MRTFA: variants seen among roughly 807,000 people sequenced by gnomAD.
The protein encoded by MRTFA is myocardin related transcription factor A, also known as myocardin-related transcription factor A.
MRTFA carries 20 observed loss-of-function variants against 83.5 expected under a neutral mutation model. The observed-to-expected ratio is 0.24, with a 90% confidence interval of 0.17 to 0.35. MRTFA has a LOEUF of 0.35. Among genes scored for constraint, MRTFA ranks in the 10% least tolerant of loss-of-function variants. The pLI is 1.00. For synonymous variants in MRTFA, 659 were observed against 541.2 expected (o/e 1.22, Z -3.02); for missense variants, 1,200 against 1,224.7 (o/e 0.98, Z 0.30).
At chr22:40,452,443 C>CA (rs2053511340) in intron 4 of MRTFA, among the ~76,000 whole-genome samples, 1 of 152,152 alleles carries the variant, frequency 6.6e-6, no homozygotes, top group Admixed American at 6.6e-5. Flanking sequence ...TTGGATATCT[C>CA]AGATTCTTCA....
At chr22:40,615,866 G>A (rs1331318222) in intron 1 of MRTFA, among the ~76,000 whole-genome samples, 1 of 151,940 alleles carries the variant, frequency 6.6e-6, no homozygotes, top group South Asian at 2.1e-4. Context: ...TGTATTTTTA[G>A]TAGAGATGGG....
chr22:40,618,104 T>C (rs1381386418), intron 1 of MRTFA, among the ~76,000 whole-genome samples: 1 of 151,428 alleles, frequency 6.6e-6, no homozygotes, highest in Non-Finnish European at 1.5e-5. Context: ...AGACGGAGTC[T>C]CGCTCTGTTG....
In MRTFA at chr22:40,411,290, A is replaced by AGACTC. The variant is rs1323697349; in HGVS notation, c.*95_*99dup. On this transcript the variant is annotated 3_prime_UTR_variant, in exon 15 of 15. Transcript: ENST00000355630. ...GAAAAAGCAGGGGCTGTGATTGTCAAGACTCACAACCATGTGGAGAGGCCG... is the reference window on the plus strand; with the variant it reads ...GAAAAAGCAGGGGCTGTGATTGTCAAGACTCGACTCACAACCATGTGGAGAGGCCG... 2.3e-6 allele frequency: 3 copies of AGACTC among 1,289,548 alleles called. No individual in the cohort carries two copies. The Admixed American group carries it at 7.2e-5, about 31-fold the overall frequency. The allele number at this position is 1,289,548 out of a possible 1,614,324, so 79.9% of individuals were successfully genotyped here.
intron 14 of MRTFA, among the ~76,000 whole-genome samples, chr22:40,413,849 G>A (rs991728825): frequency 5.3e-5 from 8 of 152,198 alleles, no homozygotes; most frequent in Non-Finnish European, 7.3e-5. Context: ...GATGTTCCAC[G>A]TCACTAAATG....
chr22:40,417,245 C>A lies in MRTFA; in HGVS notation c.2517+96G>T, dbSNP rs1354663288. 3.3e-6 allele frequency: 5 copies of A among 1,513,972 alleles called. No individual in the cohort carries two copies. The Admixed American group carries it at 1.0e-4, about 30-fold the overall frequency. 93.8% of individuals were successfully genotyped at this position (1,513,972 alleles called of 1,614,324 possible). A position where few individuals can be genotyped will look rare whatever the true frequency, so the allele number is the denominator to read the frequency against. On this transcript the variant is annotated intron_variant, in intron 13 of 14. Transcript: ENST00000355630. ...TCTCTGACCCTGAAGCTGGGCTTCG[C>A]CTGCCCCCTATTCCTCCGGGTGGGG...
At chr22:40,488,513 T>A (rs1222212811) in intron 3 of MRTFA, among the ~76,000 whole-genome samples, 1 of 151,572 alleles carries the variant, frequency 6.6e-6, no homozygotes, top group African/African-American at 2.4e-5. Context: ...TGAGACTCCA[T>A]CTCTCTCTTT....
At chr22:40,528,343 C>T (rs1435043438) in intron 3 of MRTFA, among the ~76,000 whole-genome samples, 2 of 152,108 alleles carry the variant, frequency 1.3e-5, no homozygotes, top group Non-Finnish European at 2.9e-5. Flanking sequence ...TTATTAGAGG[C>T]CTCTGATGGT....
intron 1 of MRTFA, among the ~76,000 whole-genome samples, chr22:40,599,764 T>C (rs574722911): frequency 6.6e-6 from 1 of 151,876 alleles, no homozygotes; most frequent in African/African-American, 2.4e-5. Flanking sequence ...TCAGGCATGG[T>C]GGTGTTTGCC....
intron 3 of MRTFA, among the ~76,000 whole-genome samples, chr22:40,470,759 A>G (rs5995864): frequency 0.13 from 19,001 of 150,076 alleles, 1,385 homozygotes; most frequent in East Asian, 0.25. Flanking sequence ...GACCAGCCTC[A>G]CCAATATGGT....
At chr22:40,496,390 A>T (rs2147211996) in intron 3 of MRTFA, among the ~76,000 whole-genome samples, 1 of 145,574 alleles carries the variant, frequency 6.9e-6, no homozygotes, top group Non-Finnish European at 1.5e-5. Context: ...AAGCACAGTC[A>T]CCAATCTGGG....
intron 3 of MRTFA, among the ~76,000 whole-genome samples, chr22:40,486,431 C>G (rs1279657206): frequency 6.6e-6 from 1 of 152,164 alleles, no homozygotes; most frequent in Non-Finnish European, 1.5e-5. Context: ...AGGCTGGTGA[C>G]TGGTCTCAAC....
intron 1 of MRTFA, among the ~76,000 whole-genome samples, chr22:40,603,380 A>G (rs1327852324): frequency 6.6e-6 from 1 of 152,236 alleles, no homozygotes; most frequent in Non-Finnish European, 1.5e-5. Flanking sequence ...CCAAATGGAA[A>G]AACTTATCTC....
At chr22:40,551,620 C>T (rs981478973) in intron 3 of MRTFA, among the ~76,000 whole-genome samples, 2 of 152,134 alleles carry the variant, frequency 1.3e-5, no homozygotes, top group Non-Finnish European at 2.9e-5. Context: ...CTGTGCACCT[C>T]GGCCTACCAA....
intron 2 of MRTFA, among the ~76,000 whole-genome samples, chr22:40,578,541 AG>A: frequency 6.6e-6 from 1 of 152,102 alleles, no homozygotes; most frequent in East Asian, 1.9e-4. Context: ...CCAAGGCAGA[AG>A]GATCACTTGA....
intron 3 of MRTFA, among the ~76,000 whole-genome samples, chr22:40,518,574 A>G (rs1230415268): frequency 6.6e-6 from 1 of 152,044 alleles, no homozygotes; most frequent in Non-Finnish European, 1.5e-5. Context: ...TGGGCGGATC[A>G]CAAAGTCAGA....
intron 7 of MRTFA, among the ~76,000 whole-genome samples, chr22:40,425,756 G>A (rs2052941119): frequency 6.6e-6 from 1 of 152,244 alleles, no homozygotes; most frequent in African/African-American, 2.4e-5. Context: ...GCAGCCCCAT[G>A]GCAGCCAGTA....
chr22:40,598,712 G>T (rs977039444), intron 1 of MRTFA, among the ~76,000 whole-genome samples: 2 of 151,992 alleles, frequency 1.3e-5, no homozygotes, highest in African/African-American at 4.8e-5. Flanking sequence ...GGTATTAGAG[G>T]CCAGGTACAG....
At position 40,552,086 on chromosome 22, in the gene MRTFA, A is replaced by G; in HGVS notation, c.241+20T>C. ...ATCCTGGTTCAAATCAGGGAATGCA[A>G]TAATTCTGTATCTACTCACCATTCT... On this transcript the variant is annotated intron_variant, in intron 3 of 14. Transcript: ENST00000355630. 2.5e-6 allele frequency: 1 copy of G among 398,344 alleles called. No homozygotes were observed. Among genetic ancestry groups the G allele is most frequent in the Non-Finnish European group, 4.4e-6 (1 of 225,874 alleles). The allele number at this position is 398,344 out of a possible 1,614,324, so 24.7% of individuals were successfully genotyped here. A position where few individuals can be genotyped will look rare whatever the true frequency, so the allele number is the denominator to read the frequency against.
intron 1 of MRTFA, among the ~76,000 whole-genome samples, chr22:40,599,455 G>A (rs1158673136): frequency 5.3e-5 from 8 of 152,102 alleles, no homozygotes; most frequent in African/African-American, 1.7e-4. Context: ...TACAATCTAA[G>A]ATGACATTAT....
Sources: gnomAD v4.1 joint callset for allele counts (sites outside exome capture counted in the v4.1 genomes callset) on GRCh38, gnomAD v4.1.1 for gene constraint, MANE v1.5 for transcripts, NCBI Gene and HGNC (gene_info 2026-07-23, HGNC 2026-07-21) for gene names.